ADAMTS17: variants seen among roughly 807,000 people sequenced by gnomAD.
ADAMTS17 encodes ADAM metallopeptidase with thrombospondin type 1 motif 17, also known as A disintegrin and metalloproteinase with thrombospondin motifs 17.
A neutral mutation model predicts 141.5 loss-of-function variants in ADAMTS17; 113 were observed. The observed-to-expected ratio is 0.80, with a 90% CI of 0.69 to 0.93. The LOEUF (loss-of-function observed/expected upper bound fraction) is 0.93, where lower values mean the gene tolerates loss of function less well. Among genes scored for constraint, ADAMTS17 ranks in the 40% least tolerant of loss-of-function variants. The probability of loss-of-function intolerance (pLI) is 0.00; values close to 1 mark genes in which losing one functional copy is unlikely to be tolerated. For synonymous variants in ADAMTS17, 768 were observed against 630.6 expected (o/e 1.22, Z -3.27); for missense variants, 1,659 against 1,517.9 (o/e 1.09, Z -1.54).
intron 18 of ADAMTS17, among the ~76,000 whole-genome samples, chr15:100,009,865 G>T (rs1439218295): frequency 6.6e-6 from 1 of 152,172 alleles, no homozygotes; most frequent in Non-Finnish European, 1.5e-5. Flanking sequence ...TCTGAGTACT[G>T]AATCCTATTT....
At chr15:100,225,435 T>G (rs2042263475) in intron 7 of ADAMTS17, among the ~76,000 whole-genome samples, 1 of 152,212 alleles carries the variant, frequency 6.6e-6, no homozygotes, top group African/African-American at 2.4e-5. Context: ...ATGCAGTCCT[T>G]AAGCAGTCAC....
Position 100,341,812 on chromosome 15 carries a change from G to C in ADAMTS17, c.79+9C>G. On this transcript the variant is annotated intron_variant, in intron 1 of 21. Transcript: ENST00000268070. ...GCGGGGTGAAGAGGGCTGTGGGAGG[G>C]GGCGCTACCTGTGCCCGGGTCCAGT... is the stretch of plus-strand genomic sequence containing the variant. The C allele has an allele frequency of 1.9e-6, 3 of 1,550,438 alleles. No individual in the cohort carries two copies. The highest frequency in any genetic ancestry group is 2.6e-6 in the Non-Finnish European group (3 of 1,146,848).
At chr15:100,155,434 A>C in intron 8 of ADAMTS17, 114 bp from the exon 9 acceptor site, 3 of 1,444,670 alleles carry the variant, frequency 2.1e-6, no homozygotes, top group Non-Finnish European at 1.9e-6. Context: ...AAACGGACGT[A>C]ACGTGAAAGT....
chr15:100,044,807 ATTTT>A (rs60017895), intron 18 of ADAMTS17, among the ~76,000 whole-genome samples: 1 of 138,420 alleles, frequency 7.2e-6, no homozygotes, highest in Non-Finnish European at 1.6e-5. Context: ...TATAATTTGG[ATTTT>A]TTTTTTTTTT....
intron 7 of ADAMTS17, among the ~76,000 whole-genome samples, chr15:100,209,652 C>G (rs1395793656): frequency 3.3e-5 from 5 of 150,528 alleles, no homozygotes; most frequent in Admixed American, 1.3e-4. Context: ...AGCCACACCA[C>G]GAAGTCAAGT....
At chr15:100,318,174 G>C (rs145474333) in intron 3 of ADAMTS17, among the ~76,000 whole-genome samples, 1 of 152,224 alleles carries the variant, frequency 6.6e-6, no homozygotes, top group East Asian at 1.9e-4. Flanking sequence ...GAATGAAACA[G>C]TCACACTGTT....
intron 7 of ADAMTS17, among the ~76,000 whole-genome samples, chr15:100,239,617 G>A (rs554357893): frequency 7.3e-4 from 111 of 152,224 alleles, no homozygotes; most frequent in South Asian, 2.3e-3. Flanking sequence ...TGTTGGAGAC[G>A]GGCTCTGGAG....
intron 7 of ADAMTS17, among the ~76,000 whole-genome samples, chr15:100,246,417 A>AT (rs1253994879): frequency 2.6e-5 from 4 of 152,262 alleles, no homozygotes; most frequent in Non-Finnish European, 2.9e-5. Flanking sequence ...GAAACCTTTC[A>AT]TAAAACCTCT....
At chr15:100,032,154 G>A (rs2727177) in intron 18 of ADAMTS17, among the ~76,000 whole-genome samples, 15,882 of 151,968 alleles carry the variant, frequency 0.1, 2,186 homozygotes, top group African/African-American at 0.32. Flanking sequence ...GGACACAGAC[G>A]CACCTCTCCT....
At chr15:100,140,671 C>T (rs2038598292) in intron 10 of ADAMTS17, among the ~76,000 whole-genome samples, 2 of 151,976 alleles carry the variant, frequency 1.3e-5, no homozygotes, top group African/African-American at 4.8e-5. Context: ...ACTTCCTGTT[C>T]CCATTTTACA....
chr15:100,014,082 G>A (rs1483938532), intron 18 of ADAMTS17, among the ~76,000 whole-genome samples: 1 of 152,040 alleles, frequency 6.6e-6, no homozygotes, highest in Non-Finnish European at 1.5e-5. Context: ...GGTCTGTTCA[G>A]GGTATGCAAT....
At chr15:100,275,931 C>G (rs1030018102) in intron 4 of ADAMTS17, among the ~76,000 whole-genome samples, 1 of 126,606 alleles carries the variant, frequency 7.9e-6, no homozygotes, top group African/African-American at 3.1e-5. Flanking sequence ...AGGGTACTGT[C>G]TGGGTTATGC....
chr15:100,255,107 G>T (rs1244377149), intron 6 of ADAMTS17, among the ~76,000 whole-genome samples: 2 of 152,174 alleles, frequency 1.3e-5, no homozygotes, highest in African/African-American at 4.8e-5. Flanking sequence ...CTTGAAACCT[G>T]GTCCAGCCCT....
Position 100,341,418 on chromosome 15 carries a change from A to C in ADAMTS17, c.80-9T>G. 9.9e-7 allele frequency: 1 copy of C among 1,014,132 alleles called. No homozygotes were observed. The highest frequency in any genetic ancestry group is 9.6e-5 in the East Asian group (1 of 10,424). 62.8% of individuals were successfully genotyped at this position (1,014,132 alleles called of 1,614,324 possible). ...CGCCGCGTCGCCGACAGCTGCGGGG[A>C]GAGAGGAGACGCGTCAGCGCGGCGG... On this transcript the variant is annotated splice_polypyrimidine_tract_variant and intron_variant, in intron 1 of 21. Transcript: ENST00000268070.
intron 7 of ADAMTS17, among the ~76,000 whole-genome samples, chr15:100,215,188 G>C (rs1407314083): frequency 1.3e-5 from 2 of 152,234 alleles, no homozygotes; most frequent in Non-Finnish European, 2.9e-5. Context: ...AAATCAGACA[G>C]ACTGGCGAGG....
chr15:100,290,147 G>A (rs1051271228), intron 3 of ADAMTS17, among the ~76,000 whole-genome samples: 2 of 152,064 alleles, frequency 1.3e-5, no homozygotes, highest in African/African-American at 4.8e-5. Flanking sequence ...TCCTAGATCT[G>A]ATAACTCCAG....
At chr15:100,265,543 C>T (rs1283447263) in intron 4 of ADAMTS17, among the ~76,000 whole-genome samples, 3 of 152,192 alleles carry the variant, frequency 2.0e-5, no homozygotes, top group Non-Finnish European at 4.4e-5. Context: ...CAGCACACTA[C>T]GGCTTCTCTG....
chr15:100,036,268 AC>A (rs1202090862), intron 18 of ADAMTS17, among the ~76,000 whole-genome samples: 3 of 152,234 alleles, frequency 2.0e-5, no homozygotes, highest in Non-Finnish European at 4.4e-5. Flanking sequence ...AGGGCAACGG[AC>A]CACACTGGGC....
At chr15:100,133,907 T>TA (rs5814953) in intron 10 of ADAMTS17, among the ~76,000 whole-genome samples, 135,460 of 152,250 alleles carry the variant, frequency 0.89, 61,046 homozygotes, top group East Asian at 0.99. Context: ...CACAATTTTT[T>TA]ATAGCATTTT....
Sources: allele counts gnomAD v4.1 joint callset (sites outside exome capture counted in the v4.1 genomes callset), GRCh38; gene constraint gnomAD v4.1.1; transcripts MANE v1.5; gene names NCBI Gene and HGNC (gene_info 2026-07-23, HGNC 2026-07-21).